The following GPATCH2L variants were observed in gnomAD, a reference collection of about 807,000 sequenced individuals.
The protein encoded by GPATCH2L is G-patch domain containing 2 like, also known as G patch domain-containing protein 2-like.
In GPATCH2L, 31 loss-of-function variants were observed where a neutral mutation model predicts 57.4. The ratio of observed to expected loss-of-function variants is 0.54; its 90% CI spans 0.41 to 0.73. The LOEUF (loss-of-function observed/expected upper bound fraction) is 0.73. Among genes scored for constraint, GPATCH2L ranks in the 30% least tolerant of loss-of-function variants. GPATCH2L has a pLI of 0.00. For synonymous variants in GPATCH2L, 199 were observed against 210.7 expected (o/e 0.94, Z 0.48); for missense variants, 481 against 599.9 (o/e 0.80, Z 2.07).
rs146638393 is a variant in GPATCH2L, at chr14:76,169,005, C to G, written c.727+2278C>G. Among the ~76,000 whole-genome samples, 13 of 152,320 alleles carry G rather than the reference C, an allele frequency of 8.5e-5. 1 individual carries two copies. The East Asian group carries it at 2.5e-3, about 29-fold the overall frequency. ...ATAACCATTCTTTCCCTTGCCACTC[C>G]AAGTCTAGGAATGGTAAGGGCCTCC... On this transcript the variant is annotated intron_variant, in intron 3 of 9. Coordinates refer to ENST00000261530, the MANE Select transcript of GPATCH2L (RefSeq NM_017926.4).
chr14:76,183,543 A>G (rs2039654316), intron 8 of GPATCH2L, among the ~76,000 whole-genome samples: 1 of 152,230 alleles, frequency 6.6e-6, no homozygotes, highest in Non-Finnish European at 1.5e-5. Flanking sequence ...TATTTTATGT[A>G]TATGTACTAC....
chr14:76,188,584 C>T (rs1197696037), intron 8 of GPATCH2L, among the ~76,000 whole-genome samples: 1 of 151,708 alleles, frequency 6.6e-6, no homozygotes, highest in Non-Finnish European at 1.5e-5. Context: ...TGTTTGAGCT[C>T]CTTATATATT....
intron 7 of GPATCH2L, chr14:76,178,449 G>T: frequency 3.6e-6 from 1 of 279,640 alleles, no homozygotes; most frequent in Non-Finnish European, 7.0e-6. Context: ...TGGTGAGGGG[G>T]GTGGTTTTGG....
chr14:76,161,569 G>A (rs2038584718), intron 2 of GPATCH2L, among the ~76,000 whole-genome samples: 1 of 152,136 alleles, frequency 6.6e-6, no homozygotes, highest in African/African-American at 2.4e-5. Context: ...CAGATCAGAG[G>A]GTGTGCTGTG....
intron 9 of GPATCH2L, among the ~76,000 whole-genome samples, chr14:76,197,334 T>TCTAG (rs1454026178): frequency 2.6e-5 from 4 of 152,310 alleles, no homozygotes; most frequent in African/African-American, 9.6e-5. Context: ...CTCCTTAATA[T>TCTAG]CTAGCTTTTA....
intron 2 of GPATCH2L, among the ~76,000 whole-genome samples, chr14:76,163,436 A>G (rs1198646130): frequency 6.6e-6 from 1 of 151,918 alleles, no homozygotes; most frequent in Non-Finnish European, 1.5e-5. Context: ...CTTGGCTGAG[A>G]GTAGTGCCTC....
At chr14:76,165,762 C>T (rs945119421) in intron 2 of GPATCH2L, among the ~76,000 whole-genome samples, 1 of 152,066 alleles carries the variant, frequency 6.6e-6, no homozygotes, top group African/African-American at 2.4e-5. Context: ...AAAATATTTT[C>T]AGATTTTTGA....
At chr14:76,228,636 C>G (rs1244168394) in intron 1 of GPATCH2L, among the ~76,000 whole-genome samples, 2 of 152,180 alleles carry the variant, frequency 1.3e-5, no homozygotes, top group Non-Finnish European at 2.9e-5. Context: ...TAGACTGTTT[C>G]GTTGCTATAA....
rs1276069388 is a variant in GPATCH2L, at chr14:76,180,797, G to A, written c.1141G>A (p.Val381Ile). The A allele has an allele frequency of 1.9e-6, 3 of 1,613,432 alleles. No individual in the cohort carries two copies. The South Asian group carries it at 3.3e-5, about 18-fold the overall frequency. ...CCTGTCTCCCCTTTACTCCCTGGAT[G>A]TTCTTGCCGATGCTTCTCACCGAAG... ...NPLSPLYSLDVLADASHRRCS... is the reference protein window; with the variant it reads ...NPLSPLYSLDILADASHRRCS... Residue 381 changes from valine (V) to isoleucine (I), a missense_variant, in exon 8 of 10, where the codon GTT (valine) becomes ATT (isoleucine). Val to Ile is a conservative substitution (Grantham distance 29). Transcript: ENST00000261530.
intron 2 of GPATCH2L, among the ~76,000 whole-genome samples, chr14:76,162,954 T>G (rs1234818296): frequency 6.6e-6 from 1 of 152,236 alleles, no homozygotes; most frequent in Non-Finnish European, 1.5e-5. Context: ...TTTAAGTAGC[T>G]AAAAGCAAAG....
chr14:76,218,524 CA>C (rs1192078153), downstream of GPATCH2L, among the ~76,000 whole-genome samples: 1 of 151,562 alleles, frequency 6.6e-6, no homozygotes, highest in East Asian at 1.9e-4. Context: ...AAACAAGACC[CA>C]AACAAACGGG....
intron 2 of GPATCH2L, among the ~76,000 whole-genome samples, chr14:76,233,615 T>C (rs915467425): frequency 1.3e-5 from 2 of 152,156 alleles, no homozygotes; most frequent in African/African-American, 4.8e-5. Context: ...TTGAAGAAAA[T>C]CTCCTGGACA....
chr14:76,184,964 C>T (rs963181706), intron 8 of GPATCH2L, among the ~76,000 whole-genome samples: 1 of 152,202 alleles, frequency 6.6e-6, no homozygotes, highest in African/African-American at 2.4e-5. Flanking sequence ...TTAATAGGGT[C>T]TCCCCTTTCA....
In GPATCH2L at chr14:76,160,126, A is replaced by G. The variant is rs188074803; in HGVS notation, c.662+5101A>G. On this transcript the variant is annotated intron_variant, in intron 2 of 9. Transcript: ENST00000261530. ...TTGAGTGCACTCGAGCCTGGGCGAC[A>G]GAGCGAGACTCTGTCTCAAAAAAAA... Among the ~76,000 whole-genome samples, 521 of 152,318 alleles carry G rather than the reference A, an allele frequency of 3.4e-3. 4 individuals carry two copies. The highest frequency in any genetic ancestry group is 0.012 in the African/African-American group (483 of 41,574).
intron 1 of GPATCH2L, chr14:76,152,933 A>C (rs2038121747): frequency 5.8e-6 from 2 of 346,102 alleles, no homozygotes; most frequent in African/African-American, 2.3e-5. Context: ...ATGGCATTTT[A>C]ATCCACTTTT....
intron 8 of GPATCH2L, among the ~76,000 whole-genome samples, chr14:76,189,241 A>C (rs1445643016): frequency 6.6e-6 from 1 of 152,076 alleles, no homozygotes; most frequent in African/African-American, 2.4e-5. Flanking sequence ...CTCTGTGAAG[A>C]ATGTCACTGG....
intron 1 of GPATCH2L, among the ~76,000 whole-genome samples, chr14:76,221,308 C>G (rs543462399): frequency 6.6e-6 from 1 of 152,186 alleles, no homozygotes; most frequent in South Asian, 2.1e-4. Flanking sequence ...CATGACATAC[C>G]TATTACAATG....
rs1423808384 is a variant in GPATCH2L, at chr14:76,213,319, T to G, written c.*11468T>G. 1 of 152,078 alleles carries G rather than the reference T, an allele frequency of 6.6e-6. No individual in the cohort carries two copies. Among genetic ancestry groups the G allele is most frequent in the Non-Finnish European group, 1.5e-5 (1 of 68,014 alleles). The allele number at this position is 152,078 out of a possible 1,614,324, so 9.4% of individuals were successfully genotyped here. A position where few individuals can be genotyped will look rare whatever the true frequency, so the allele number is the denominator to read the frequency against. On this transcript the variant is annotated 3_prime_UTR_variant, in exon 10 of 10. Coordinates refer to ENST00000261530, the MANE Select transcript of GPATCH2L (RefSeq NM_017926.4). The stretch of plus-strand genomic sequence containing the variant: ...TTAAATGGATAATTTTCCAGGAAGG[T>G]ATAGTTTGCCAAAAAATGACATCAA...
intron 1 of GPATCH2L, among the ~76,000 whole-genome samples, chr14:76,153,445 G>A (rs1322177506): frequency 6.6e-6 from 1 of 152,188 alleles, no homozygotes; most frequent in Non-Finnish European, 1.5e-5. Context: ...GTTTGAGGAT[G>A]AACAGAAAAA....
Sources: gnomAD v4.1 joint callset for allele counts (sites outside exome capture counted in the v4.1 genomes callset) on GRCh38, gnomAD v4.1.1 for gene constraint, MANE v1.5 for transcripts, NCBI Gene and HGNC (gene_info 2026-07-23, HGNC 2026-07-21) for gene names.